Variants in RNASEH2C observed in about 807,000 individuals in gnomAD.
RNASEH2C encodes RNase H1 small subunit.
A neutral mutation model predicts 16.3 loss-of-function variants in RNASEH2C; 20 were observed. That is an observed-to-expected ratio of 1.23 (90% confidence interval 0.86 to 1.79). The LOEUF (loss-of-function observed/expected upper bound fraction) is 1.79. Among genes scored for constraint, RNASEH2C ranks in the 40% most tolerant of loss-of-function variants. RNASEH2C has a pLI of 0.00. For missense variants in RNASEH2C, 296 were observed against 235.9 expected (o/e 1.25, Z -1.67); for synonymous variants, 106 against 98.9 (o/e 1.07, Z -0.43).
chr11:65,719,948 C>T, intron 3 of RNASEH2C, 97 bp downstream of exon 3: 1 of 1,605,946 alleles, frequency 6.2e-7, no homozygotes, highest in Non-Finnish European at 8.5e-7. Flanking sequence ...CTACGCTTCC[C>T]ACACACTACC....
In RNASEH2C at chr11:65,720,045, C is replaced by G. The variant is rs61736590; in HGVS notation, c.468G>C (p.Ala156=). The change falls in exon 3 of 4, where the codon GCG becomes GCC. Residue 156 remains alanine, a splice_region_variant and synonymous_variant. Transcript: ENST00000308418. ...GALTWPSLAA[A]IHAQVPED ...AAGACGGAACTCCTCGTCTACTCACCGCTGCCGCAAGGCTGGGCCAAGTTA... is the reference window on the plus strand; with the variant it reads ...AAGACGGAACTCCTCGTCTACTCACGGCTGCCGCAAGGCTGGGCCAAGTTA... 2 of 1,613,364 alleles carry G rather than the reference C, an allele frequency of 1.2e-6. No homozygotes were observed. Among genetic ancestry groups the G allele is most frequent in the African/African-American group, 2.7e-5 (2 of 74,948 alleles).
At position 65,718,470 on chromosome 11, in the gene RNASEH2C, C is replaced by T; in HGVS notation, c.*1313G>A. 1.0e-6 allele frequency: 1 copy of T among 991,124 alleles called. No homozygotes were observed. Among genetic ancestry groups the T allele is most frequent in the Non-Finnish European group, 1.5e-6 (1 of 659,068 alleles). 61.4% of individuals were successfully genotyped at this position (991,124 alleles called of 1,614,324 possible). A position where few individuals can be genotyped will look rare whatever the true frequency, so the allele number is the denominator to read the frequency against. ...GCACAGAGAAGTGGAGGGCATAGAA[C>T]TGCCAAGTGGCAGGGCCATGATAGG... On this transcript the variant is annotated 3_prime_UTR_variant, in exon 4 of 4. Coordinates refer to ENST00000308418, the MANE Select transcript of RNASEH2C (RefSeq NM_032193.4).
chr11:65,718,293 C>T lies in RNASEH2C; in HGVS notation c.*1490G>A. The T allele has an allele frequency of 3.3e-6, 1 of 304,800 alleles. No individual in the cohort carries two copies. The highest frequency in any genetic ancestry group is 6.1e-6 in the Non-Finnish European group (1 of 162,950). The allele number at this position is 304,800 out of a possible 1,614,324, so 18.9% of individuals were successfully genotyped here. A position where few individuals can be genotyped will look rare whatever the true frequency, so the allele number is the denominator to read the frequency against. On this transcript the variant is annotated 3_prime_UTR_variant, in exon 4 of 4. Coordinates refer to ENST00000308418, the MANE Select transcript of RNASEH2C (RefSeq NM_032193.4). ...ATTGGAGGCCCCTTCTTCCCATGAGCCATTTTCTCTGCATCCCCTGCCCAT... is the reference window on the plus strand; with the variant it reads ...ATTGGAGGCCCCTTCTTCCCATGAGTCATTTTCTCTGCATCCCCTGCCCAT...
chr11:65,720,170 G>A lies in RNASEH2C; in HGVS notation c.349-6C>T, dbSNP rs774542613. The A allele has an allele frequency of 3.1e-6, 5 of 1,614,246 alleles. No individual in the cohort carries two copies. In the Admixed American group the frequency reaches 8.3e-5, roughly 27 times the overall value. ...GTGGCTCCAATGAAGCGGTCCTGGG[G>A]AAGGGGCCTGGCTCAGCATCGGGAC... On this transcript the variant is annotated splice_region_variant and splice_polypyrimidine_tract_variant and intron_variant, in intron 2 of 3. Transcript: ENST00000308418.
In RNASEH2C at chr11:65,718,378, C is replaced by G. The variant is rs777245010; in HGVS notation, c.*1405G>C. ...GACTGCAGCTGCTCCTCTCAGTGCC[C>G]TCATGCCCTCCACTGTGCTCAGCGC... On this transcript the variant is annotated 3_prime_UTR_variant, in exon 4 of 4. Transcript: ENST00000308418. The G allele has an allele frequency of 1.1e-5, 6 of 552,022 alleles. No homozygotes were observed. Among genetic ancestry groups the G allele is most frequent in the Middle Eastern group, 4.9e-4 (1 of 2,056 alleles). The allele number at this position is 552,022 out of a possible 1,614,324, so 34.2% of individuals were successfully genotyped here.
At position 65,718,372 on chromosome 11, in the gene RNASEH2C, A is replaced by G; in HGVS notation, c.*1411T>C. 3.8e-6 allele frequency: 2 copies of G among 529,762 alleles called. No homozygotes were observed. The highest frequency in any genetic ancestry group is 2.5e-5 in the South Asian group (1 of 39,692). The allele number at this position is 529,762 out of a possible 1,614,324, so 32.8% of individuals were successfully genotyped here. ...ATGGTTGACTGCAGCTGCTCCTCTC[A>G]GTGCCCTCATGCCCTCCACTGTGCT... On this transcript the variant is annotated 3_prime_UTR_variant, in exon 4 of 4. Transcript: ENST00000308418.
Position 65,719,007 on chromosome 11 carries a change from T to C in RNASEH2C, c.*776A>G, listed in dbSNP as rs1278429292. On this transcript the variant is annotated 3_prime_UTR_variant, in exon 4 of 4. Transcript: ENST00000308418. The stretch of plus-strand genomic sequence containing the variant: ...GTGTGGGATGCAGAGTGCAGTCCTC[T>C]GTGGGCTGACCACCTGCTGAACCCA... The C allele has an allele frequency of 6.2e-7, 1 of 1,614,034 alleles. No homozygotes were observed. The highest frequency in any genetic ancestry group is 8.5e-7 in the Non-Finnish European group (1 of 1,179,950).
At chr11:65,720,017 G>A in intron 3 of RNASEH2C, 28 bp downstream of exon 3, 1 of 1,611,836 alleles carries the variant, frequency 6.2e-7, no homozygotes, top group Non-Finnish European at 8.5e-7. Context: ...TCCACCCGGG[G>A]GCAAGACGGA....
chr11:65,718,964 C>T lies in RNASEH2C; in HGVS notation c.*819G>A, dbSNP rs1857301423. 1.9e-6 allele frequency: 3 copies of T among 1,613,978 alleles called. No individual in the cohort carries two copies. Among genetic ancestry groups the T allele is most frequent in the South Asian group, 1.1e-5 (1 of 91,086 alleles). On this transcript the variant is annotated 3_prime_UTR_variant, in exon 4 of 4. Transcript: ENST00000308418. Reference sequence around the variant, plus strand: ...CATCAACTACTACAAGGTAGGGAGGCAGGCAGGGGAGACAGGTGTGTGGGA... The same window carrying T: ...CATCAACTACTACAAGGTAGGGAGGTAGGCAGGGGAGACAGGTGTGTGGGA...
rs1417348526 is a variant in RNASEH2C at position 65,720,386 on chromosome 11, T to C, written c.204A>G (p.Leu68=). 1 of 1,614,006 alleles carries C rather than the reference T, an allele frequency of 6.2e-7. No homozygotes were observed. The highest frequency in any genetic ancestry group is 1.3e-5 in the African/African-American group (1 of 74,946). Reference sequence around the variant, plus strand: ...GCGGCACCGCCACCTCCTCTCCCCGTAGACAGCGGCCCCGAAACGACACTT... The same window carrying C: ...GCGGCACCGCCACCTCCTCTCCCCGCAGACAGCGGCCCCGAAACGACACTT... The part of the protein sequence containing the change: ...GLEVSFRGRC[L]RGEEVAVPPG... Residue 68 remains leucine, a synonymous_variant, in exon 2 of 4, where the codon CTA becomes CTG. Transcript: ENST00000308418.
At position 65,719,481 on chromosome 11, in the gene RNASEH2C, G is replaced by A. The variant is rs1857324009; in HGVS notation, c.*302C>T. 2 of 609,592 alleles carry A rather than the reference G, an allele frequency of 3.3e-6. No homozygotes were observed. Among genetic ancestry groups the A allele is most frequent in the East Asian group, 5.5e-5 (2 of 36,446 alleles). The allele number at this position is 609,592 out of a possible 1,614,324, so 37.8% of individuals were successfully genotyped here. A position where few individuals can be genotyped will look rare whatever the true frequency, so the allele number is the denominator to read the frequency against. On this transcript the variant is annotated 3_prime_UTR_variant, in exon 4 of 4. Coordinates refer to ENST00000308418, the MANE Select transcript of RNASEH2C (RefSeq NM_032193.4). ...CCGGATGGGGGAGCTCTGTACAGAG[G>A]GCTGGTGATTGTAAAAATTTCTTTT...
In RNASEH2C at chr11:65,720,096, G is replaced by C. The variant is rs147021687; in HGVS notation, c.417C>G (p.Gly139=). 2,275 of 1,614,208 alleles carry C rather than the reference G, an allele frequency of 1.4e-3. 16 individuals carry two copies. Among genetic ancestry groups the C allele is most frequent in the Non-Finnish European group, 8.5e-4 (1,008 of 1,180,048 alleles). The stretch of plus-strand genomic sequence containing the variant: ...AGGCCCCACGCACTTTGGCATCCGG[G>C]CCAGGGATGGTCTCCAGACCCCACA... ...FTLWGLETIP[G]PDAKVRGALT... is the part of the protein sequence containing the mutation. The change falls in exon 3 of 4, where the codon GGC becomes GGG. Residue 139 remains glycine (G), a synonymous_variant. Transcript: ENST00000308418.
At chr11:65,720,192 G>A (rs1256271439) in intron 2 of RNASEH2C, 28 bp from the exon 3 acceptor site, 4 of 1,614,198 alleles carry the variant, frequency 2.5e-6, no homozygotes, top group Non-Finnish European at 3.4e-6. Context: ...CTCAGCATCG[G>A]GACTACAGCT....
In RNASEH2C at chr11:65,719,769, T is replaced by G. The variant is rs756147712; in HGVS notation, c.*14A>C. The stretch of plus-strand genomic sequence containing the variant: ...TGTGAAGGGATCGCAGCTTTGAATT[T>G]CAAGCTCTGGTTCTCAGTCCTCGGG... On this transcript the variant is annotated 3_prime_UTR_variant, in exon 4 of 4. Coordinates refer to ENST00000308418, the MANE Select transcript of RNASEH2C (RefSeq NM_032193.4). 6.2e-7 allele frequency: 1 copy of G among 1,614,038 alleles called. No homozygotes were observed. The highest frequency in any genetic ancestry group is 1.1e-5 in the South Asian group (1 of 91,076).
In RNASEH2C at chr11:65,718,562, C is replaced by G. The variant is rs758299499; in HGVS notation, c.*1221G>C. The G allele has an allele frequency of 1.3e-5, 21 of 1,600,696 alleles. No homozygotes were observed. The highest frequency in any genetic ancestry group is 5.5e-5 in the South Asian group (5 of 90,290). On this transcript the variant is annotated 3_prime_UTR_variant, in exon 4 of 4. Coordinates refer to ENST00000308418, the MANE Select transcript of RNASEH2C (RefSeq NM_032193.4). Reference sequence around the variant, plus strand: ...GCTTATGTTCATCTGTGACCTCTTACTCACCCTCTCCTGCTCCATTGCTTT... The same window carrying G: ...GCTTATGTTCATCTGTGACCTCTTAGTCACCCTCTCCTGCTCCATTGCTTT...
rs372964595 is a variant in RNASEH2C, at chr11:65,720,224, C to T, written c.348+18G>A. The T allele has an allele frequency of 3.2e-4, 515 of 1,614,152 alleles. No individual in the cohort carries two copies. Among genetic ancestry groups the T allele is most frequent in the Non-Finnish European group, 4.2e-4 (492 of 1,180,058 alleles). On this transcript the variant is annotated intron_variant, in intron 2 of 3. Coordinates refer to ENST00000308418, the MANE Select transcript of RNASEH2C (RefSeq NM_032193.4). ...AGCTCCCGCCCGCACCCCCTTTCAA[C>T]CCTATCCCTTTGCTCACGAAGTCCC...
At position 65,720,570 on chromosome 11, in the gene RNASEH2C, C is replaced by G. The variant is rs746988112; in HGVS notation, c.172+17G>C. 3.6e-5 allele frequency: 55 copies of G among 1,519,216 alleles called. 1 individual carries two copies. The Middle Eastern group carries it at 5.6e-4, about 16-fold the overall frequency. 94.1% of individuals were successfully genotyped at this position (1,519,216 alleles called of 1,614,324 possible). A position where few individuals can be genotyped will look rare whatever the true frequency, so the allele number is the denominator to read the frequency against. Reference sequence around the variant, plus strand: ...CGCGGGGGCTGCCGGGAGCCGTAGTCCGGCCGCAGGGCTCACCCTCGGGGC... The same window carrying G: ...CGCGGGGGCTGCCGGGAGCCGTAGTGCGGCCGCAGGGCTCACCCTCGGGGC... On this transcript the variant is annotated intron_variant, in intron 1 of 3. Transcript: ENST00000308418.
chr11:65,719,372 C>T lies in RNASEH2C; in HGVS notation c.*411G>A, dbSNP rs1857319866. 1.4e-6 allele frequency: 1 copy of T among 692,954 alleles called. No homozygotes were observed. The highest frequency in any genetic ancestry group is 1.9e-5 in the South Asian group (1 of 52,388). 42.9% of individuals were successfully genotyped at this position (692,954 alleles called of 1,614,324 possible). A position where few individuals can be genotyped will look rare whatever the true frequency, so the allele number is the denominator to read the frequency against. On this transcript the variant is annotated 3_prime_UTR_variant, in exon 4 of 4. Coordinates refer to ENST00000308418, the MANE Select transcript of RNASEH2C (RefSeq NM_032193.4). The stretch of plus-strand genomic sequence containing the variant: ...GGCGAGCTCCGGGCTCAGACCAACT[C>T]CAAGGTCAGCTGGCCACAGGCCCAG...
At position 65,719,639 on chromosome 11, in the gene RNASEH2C, G is replaced by A; in HGVS notation, c.*144C>T. 2 of 821,902 alleles carry A rather than the reference G, an allele frequency of 2.4e-6. No individual in the cohort carries two copies. Among genetic ancestry groups the A allele is most frequent in the Admixed American group, 1.9e-5 (1 of 53,548 alleles). 50.9% of individuals were successfully genotyped at this position (821,902 alleles called of 1,614,324 possible). A position where few individuals can be genotyped will look rare whatever the true frequency, so the allele number is the denominator to read the frequency against. ...AAAGTTCTTGGTGGGGAGGGGGAAA[G>A]GGCCCATGCTGGCTTAGGGGCTCTA... On this transcript the variant is annotated 3_prime_UTR_variant, in exon 4 of 4. Transcript: ENST00000308418.
Sources: allele counts gnomAD v4.1 joint callset, GRCh38; gene constraint gnomAD v4.1.1; transcripts MANE v1.5; gene names NCBI Gene and HGNC (gene_info 2026-07-23, HGNC 2026-07-21).